The following PLCB1 variants were observed in gnomAD, a reference collection of about 807,000 sequenced individuals.
PLCB1 encodes the protein phospholipase C beta 1, also known as 1-phosphatidylinositol 4,5-bisphosphate phosphodiesterase beta-1.
In PLCB1, 46 loss-of-function variants were observed where a neutral mutation model predicts 161.8. The ratio of observed to expected loss-of-function variants is 0.28; its 90% CI spans 0.22 to 0.36. The LOEUF (loss-of-function observed/expected upper bound fraction) is 0.36, where lower values mean the gene tolerates loss of function less well. PLCB1 is among the 10% of genes least tolerant of loss of function. The pLI is 1.00. For synonymous variants in PLCB1, 517 were observed against 503.7 expected, an observed-to-expected ratio of 1.03 and a Z score of -0.35; for missense variants, 1,016 against 1,472.5, an observed-to-expected ratio of 0.69 and a Z score of 5.07.
At chr20:8,461,871 C>T (rs1568685300) in intron 3 of PLCB1, among the ~76,000 whole-genome samples, 2 of 152,082 alleles carry the variant, frequency 1.3e-5, no homozygotes, top group African/African-American at 4.8e-5. Context: ...AAATGCTTTG[C>T]TAATTGTGAT....
rs1176468495 is a variant in PLCB1 at position 8,708,760 on chromosome 20, T to C, written c.1250+8T>C. 6.4e-7 allele frequency: 1 copy of C among 1,561,218 alleles called. No homozygotes were observed. Among genetic ancestry groups the C allele is most frequent in the African/African-American group, 1.4e-5 (1 of 74,072 alleles). The stretch of plus-strand genomic sequence containing the variant: ...TGAGAACCATGTGGATTCGTAAGTA[T>C]TCAACACATTCAGGAATGAGTCTTT... On this transcript the variant is annotated splice_region_variant and intron_variant, in intron 12 of 31. Coordinates refer to ENST00000338037, the MANE Select transcript of PLCB1 (RefSeq NM_015192.4).
At chr20:8,300,795 A>G (rs1983874641) in intron 2 of PLCB1, among the ~76,000 whole-genome samples, 1 of 152,148 alleles carries the variant, frequency 6.6e-6, no homozygotes, top group Admixed American at 6.5e-5. Flanking sequence ...AGTGTTCAGT[A>G]AATGTGGAGT....
chr20:8,722,667 G>T (rs568639505), intron 15 of PLCB1, among the ~76,000 whole-genome samples: 2 of 152,108 alleles, frequency 1.3e-5, no homozygotes, highest in African/African-American at 4.8e-5. Context: ...GAACACTAGA[G>T]CTACCTATTT....
chr20:8,833,953 T>G (rs1237301228), intron 31 of PLCB1, among the ~76,000 whole-genome samples: 1 of 152,042 alleles, frequency 6.6e-6, no homozygotes, highest in African/African-American at 2.4e-5. Context: ...ACATTTCTTG[T>G]GGGTTGTATG....
chr20:8,257,032 A>AT (rs1568607577), intron 2 of PLCB1: 1 of 152,126 alleles, frequency 6.6e-6, no homozygotes, highest in Non-Finnish European at 1.5e-5. Context: ...ATCAAACCAA[A>AT]TTTTTTATTT....
At chr20:8,643,698 G>C (rs8121541) in intron 4 of PLCB1, among the ~76,000 whole-genome samples, 6,837 of 150,604 alleles carry the variant, frequency 0.045, 471 homozygotes, top group African/African-American at 0.16. Context: ...GACCATCCTG[G>C]CTAACATGGT....
chr20:8,448,472 G>A (rs1168784196), intron 3 of PLCB1, among the ~76,000 whole-genome samples: 1 of 152,154 alleles, frequency 6.6e-6, no homozygotes, highest in Non-Finnish European at 1.5e-5. Context: ...TGTTTAGAAG[G>A]CAGCGGAAGA....
intron 2 of PLCB1, among the ~76,000 whole-genome samples, chr20:8,331,397 A>G (rs186612969): frequency 4.5e-4 from 68 of 152,242 alleles, no homozygotes; most frequent in African/African-American, 1.6e-3. Flanking sequence ...GCATTATCCA[A>G]AGCTGACATA....
chr20:8,237,863 A>G (rs753528270), intron 2 of PLCB1, among the ~76,000 whole-genome samples: 67 of 152,128 alleles, frequency 4.4e-4, no homozygotes, highest in Non-Finnish European at 8.8e-4. Flanking sequence ...AAAACAATGA[A>G]GTGTCAACTT....
chr20:8,185,870 A>G (rs1417197087), intron 2 of PLCB1, among the ~76,000 whole-genome samples: 4 of 152,172 alleles, frequency 2.6e-5, no homozygotes, highest in African/African-American at 9.7e-5. Flanking sequence ...TTAATTTTAA[A>G]GGAAATGAAT....
At position 8,132,519 on chromosome 20, in the gene PLCB1, G is replaced by A; in HGVS notation, c.-133G>A. ...GAGGTGCGGAGGCCGGGAGGCCGGG[G>A]AGGCCGGCGGGGAGCAGAGTCGAGC... is the stretch of plus-strand genomic sequence containing the variant. On this transcript the variant is annotated 5_prime_UTR_variant, in exon 1 of 32. Coordinates refer to ENST00000338037, the MANE Select transcript of PLCB1 (RefSeq NM_015192.4). This position sits in a 1 kb window ranked among gnomAD's most constrained non-coding sequence, Gnocchi z 5.2. The A allele has an allele frequency of 2.2e-6, 1 of 450,516 alleles. No individual in the cohort carries two copies. The highest frequency in any genetic ancestry group is 3.8e-6 in the Non-Finnish European group (1 of 265,456). 27.9% of individuals were successfully genotyped at this position (450,516 alleles called of 1,614,324 possible).
intron 2 of PLCB1, among the ~76,000 whole-genome samples, chr20:8,241,500 G>T (rs1980609720): frequency 6.6e-6 from 1 of 151,954 alleles, no homozygotes; most frequent in Non-Finnish European, 1.5e-5. Context: ...ATGTCAGCTT[G>T]ATGTTGAAGC....
At chr20:8,669,425 C>G (rs1989892017) in intron 9 of PLCB1, among the ~76,000 whole-genome samples, 1 of 152,132 alleles carries the variant, frequency 6.6e-6, no homozygotes, top group Non-Finnish European at 1.5e-5. Flanking sequence ...TTGGATGGTC[C>G]AGACATTTGA....
intron 2 of PLCB1, among the ~76,000 whole-genome samples, chr20:8,276,996 T>A (rs1982607576): frequency 7.5e-6 from 1 of 133,736 alleles, no homozygotes; most frequent in Admixed American, 7.3e-5. Flanking sequence ...CTTATTATTA[T>A]TATTATTATT....
chr20:8,701,600 C>T (rs554361513), intron 11 of PLCB1, among the ~76,000 whole-genome samples: 1 of 152,186 alleles, frequency 6.6e-6, no homozygotes, highest in African/African-American at 2.4e-5. Flanking sequence ...TGCTTAATTC[C>T]TATGTTCCTT....
At position 8,160,216 on chromosome 20, in the gene PLCB1, T is replaced by G. The variant is rs938837266; in HGVS notation, c.177+9845T>G. ...TTATTGTTCATATCATTATCAGCAT[T>G]TTTGTCAAAGCCATTCAACAAGTCT... On this transcript the variant is annotated intron_variant, in intron 2 of 31. Coordinates refer to ENST00000338037, the MANE Select transcript of PLCB1 (RefSeq NM_015192.4). 4.6e-5 allele frequency among the ~76,000 whole-genome samples: 7 copies of G among 152,166 alleles called. No individual in the cohort carries two copies. The East Asian group carries it at 9.6e-4, about 21-fold the overall frequency.
intron 3 of PLCB1, among the ~76,000 whole-genome samples, chr20:8,622,255 GA>G (rs564055950): frequency 3.5e-3 from 404 of 116,422 alleles, no homozygotes; most frequent in Admixed American, 3.2e-3. Flanking sequence ...TCTGCCTCAG[GA>G]AAAAAAAAAA....
At chr20:8,582,646 A>G (rs993891598) in intron 3 of PLCB1, among the ~76,000 whole-genome samples, 1 of 152,194 alleles carries the variant, frequency 6.6e-6, no homozygotes, top group Non-Finnish European at 1.5e-5. Flanking sequence ...GGATGAGTGG[A>G]TAAACAAAAT....
chr20:8,866,901 C>T (rs1987447189), intron 31 of PLCB1, among the ~76,000 whole-genome samples: 1 of 152,162 alleles, frequency 6.6e-6, no homozygotes, highest in African/African-American at 2.4e-5. Context: ...GAGACATAAA[C>T]ATCATATTTA....
Sources: allele counts gnomAD v4.1 joint callset (sites outside exome capture counted in the v4.1 genomes callset), GRCh38; gene constraint gnomAD v4.1.1; non-coding constraint Gnocchi (gnomAD v3.1); transcripts MANE v1.5; gene names NCBI Gene and HGNC (gene_info 2026-07-23, HGNC 2026-07-21).